CSMD3: variants seen among roughly 807,000 people sequenced by gnomAD.
CSMD3 encodes CUB and sushi domain-containing protein 3.
In CSMD3, 177 loss-of-function variants were observed where a neutral mutation model predicts 435.2. The observed-to-expected ratio is 0.41, with a 90% CI of 0.36 to 0.46. The LOEUF (loss-of-function observed/expected upper bound fraction) is 0.46, where lower values mean the gene tolerates loss of function less well. Among genes scored for constraint, CSMD3 ranks in the 20% least tolerant of loss-of-function variants. The pLI is 0.34. For missense variants in CSMD3, 4,265 were observed against 4,504.6 expected, an observed-to-expected ratio of 0.95 and a Z score of 1.52; for synonymous variants, 1,656 against 1,520.5, an observed-to-expected ratio of 1.09 and a Z score of -2.07.
chr8:112,431,166 C>G (rs547694858), intron 32 of CSMD3, among the ~76,000 whole-genome samples: 2 of 152,082 alleles, frequency 1.3e-5, no homozygotes, highest in Admixed American at 1.3e-4. Context: ...CTTAAACTAC[C>G]TCTGGATATT....
At chr8:113,169,545 T>G (rs1342633281) in intron 4 of CSMD3, among the ~76,000 whole-genome samples, 1 of 152,134 alleles carries the variant, frequency 6.6e-6, no homozygotes, top group East Asian at 1.9e-4. Context: ...TTTTAAAATT[T>G]TCTTTGGTTA....
intron 9 of CSMD3, among the ~76,000 whole-genome samples, chr8:112,943,190 A>C (rs1442641445): frequency 6.6e-6 from 1 of 151,652 alleles, no homozygotes; most frequent in Non-Finnish European, 1.5e-5. Flanking sequence ...TCTTATTGTT[A>C]AATTTTAAGC....
intron 22 of CSMD3, among the ~76,000 whole-genome samples, chr8:112,604,032 A>T (rs553667864): frequency 2.3e-3 from 352 of 152,182 alleles, no homozygotes; most frequent in African/African-American, 8.1e-3. Context: ...TTTTTTTTCA[A>T]TTTAAGATCA....
chr8:112,223,088 A>G lies in CSMD3; in HGVS notation c.*1683T>C. 1 of 398,564 alleles carries G rather than the reference A, an allele frequency of 2.5e-6. No homozygotes were observed. Among genetic ancestry groups the G allele is most frequent in the Non-Finnish European group, 4.4e-6 (1 of 225,778 alleles). The allele number at this position is 398,564 out of a possible 1,614,324, so 24.7% of individuals were successfully genotyped here. A position where few individuals can be genotyped will look rare whatever the true frequency, so the allele number is the denominator to read the frequency against. On this transcript the variant is annotated 3_prime_UTR_variant, in exon 71 of 71. Transcript: ENST00000297405. ...GTTGCAGAAGAAACATTGTTTAAAC[A>G]AGATCTTAAATGTATTAGCCTTAAC...
At chr8:112,567,431 T>C (rs1028430257) in intron 24 of CSMD3, among the ~76,000 whole-genome samples, 3 of 152,158 alleles carry the variant, frequency 2.0e-5, no homozygotes, top group Non-Finnish European at 4.4e-5. Context: ...AGTTAGTTTG[T>C]TATGGGCAGG....
chr8:112,944,805 T>C (rs2083554620), intron 9 of CSMD3, among the ~76,000 whole-genome samples: 1 of 151,648 alleles, frequency 6.6e-6, no homozygotes, highest in Non-Finnish European at 1.5e-5. Flanking sequence ...TGAGCAGGAT[T>C]TGGCAGCTCC....
chr8:112,864,150 T>C (rs560447223), intron 10 of CSMD3, among the ~76,000 whole-genome samples: 1 of 152,310 alleles, frequency 6.6e-6, no homozygotes, highest in African/African-American at 2.4e-5. Flanking sequence ...TAACACAATA[T>C]GCTGTATTAT....
rs150891743 is a variant in CSMD3, at chr8:113,299,463, G to A, written c.401+15108C>T. 2.0e-3 allele frequency among the ~76,000 whole-genome samples: 303 copies of A among 152,206 alleles called. 3 individuals are homozygous for A. The highest frequency in any genetic ancestry group is 0.01 in the Middle Eastern group (3 of 294). The stretch of plus-strand genomic sequence containing the variant: ...CTAGAAATCAGATTGAATTCAGTTA[G>A]TAACACAATATATTTTTTGTTTGCA... On this transcript the variant is annotated intron_variant, in intron 2 of 70. Coordinates refer to ENST00000297405, the MANE Select transcript of CSMD3 (RefSeq NM_198123.2).
intron 3 of CSMD3, among the ~76,000 whole-genome samples, chr8:113,266,214 G>A (rs2132387107): frequency 1.4e-5 from 2 of 147,210 alleles, no homozygotes; most frequent in South Asian, 4.3e-4. Context: ...GTAATTTAAT[G>A]CTCTCAAGGA....
chr8:112,645,358 G>T (rs2074951643), intron 19 of CSMD3, 133 bp from the exon 20 acceptor site: 1 of 709,402 alleles, frequency 1.4e-6, no homozygotes. Context: ...TAACAGGTGT[G>T]CATGCAGCAC....
At chr8:112,984,627 T>G (rs1221660212) in intron 6 of CSMD3, among the ~76,000 whole-genome samples, 1 of 152,094 alleles carries the variant, frequency 6.6e-6, no homozygotes, top group Non-Finnish European at 1.5e-5. Flanking sequence ...GTCTGTTGCT[T>G]AATTAGAAAG....
chr8:112,274,596 T>C (rs1470379039), intron 59 of CSMD3, among the ~76,000 whole-genome samples: 2 of 152,088 alleles, frequency 1.3e-5, no homozygotes, highest in East Asian at 3.9e-4. Flanking sequence ...CCCCAAAAGA[T>C]GAGATGTAAC....
chr8:112,878,414 C>CTTTTT (rs2081351505), intron 10 of CSMD3, among the ~76,000 whole-genome samples: 1 of 152,076 alleles, frequency 6.6e-6, no homozygotes, highest in Non-Finnish European at 1.5e-5. Context: ...AGTCAGGAAA[C>CTTTTT]AACAGATGCT....
chr8:113,366,371 G>A (rs755861729), intron 1 of CSMD3, among the ~76,000 whole-genome samples: 3 of 151,804 alleles, frequency 2.0e-5, no homozygotes, highest in Admixed American at 6.6e-5. Flanking sequence ...GTACCTCAAC[G>A]CTCCCCCATT....
intron 4 of CSMD3, among the ~76,000 whole-genome samples, chr8:113,122,583 G>C (rs1554781473): frequency 2.0e-5 from 3 of 152,042 alleles, no homozygotes; most frequent in Non-Finnish European, 4.4e-5. Context: ...ATTGGGGGAA[G>C]AAGAGGGAGA....
chr8:112,299,718 A>G lies in CSMD3; in HGVS notation c.8440+2075T>C, dbSNP rs562976663. Among the ~76,000 whole-genome samples, 69 of 152,268 alleles carry G rather than the reference A, an allele frequency of 4.5e-4. No individual in the cohort carries two copies. The South Asian group carries it at 0.014, about 32-fold the overall frequency. On this transcript the variant is annotated intron_variant, in intron 53 of 70. Coordinates refer to ENST00000297405, the MANE Select transcript of CSMD3 (RefSeq NM_198123.2). ...AAAAGTGTCTGAGGTTACACAAACT[A>G]GTTGAGAAGAATGAAACCTTAAGGT...
chr8:113,143,186 G>T (rs1331633828), intron 4 of CSMD3, among the ~76,000 whole-genome samples: 7 of 151,062 alleles, frequency 4.6e-5, no homozygotes, highest in Non-Finnish European at 8.9e-5. Context: ...TACTGAAAAG[G>T]ATATACAAAT....
intron 23 of CSMD3, among the ~76,000 whole-genome samples, chr8:112,584,256 G>A (rs908707538): frequency 1.3e-5 from 2 of 151,742 alleles, no homozygotes; most frequent in African/African-American, 2.4e-5. Flanking sequence ...AATCTGGAGA[G>A]CTTTATAAAA....
At chr8:112,365,892 A>T (rs1035483551) in intron 38 of CSMD3, among the ~76,000 whole-genome samples, 2 of 152,192 alleles carry the variant, frequency 1.3e-5, no homozygotes, top group Admixed American at 1.3e-4. Context: ...TTGCCTAGAC[A>T]TCTCAACTGA....
Sources: allele counts gnomAD v4.1 joint callset (sites outside exome capture counted in the v4.1 genomes callset), GRCh38; gene constraint gnomAD v4.1.1; transcripts MANE v1.5; gene names NCBI Gene and HGNC (gene_info 2026-07-23, HGNC 2026-07-21).